ADCY2: variants seen among roughly 807,000 people sequenced by gnomAD.
ADCY2 encodes adenylate cyclase 2.
A neutral mutation model predicts 125.2 loss-of-function variants in ADCY2; 31 were observed. The ratio of observed to expected loss-of-function variants is 0.25; its 90% CI spans 0.19 to 0.33. The LOEUF (loss-of-function observed/expected upper bound fraction) is 0.33, where lower values mean the gene tolerates loss of function less well. Ranked by LOEUF, ADCY2 falls within the 10% of genes least tolerant of loss-of-function variation. The pLI is 1.00. For missense variants in ADCY2, 904 were observed against 1,418.2 expected (o/e 0.64, Z 5.82); for synonymous variants, 512 against 548.4 (o/e 0.93, Z 0.93).
intron 3 of ADCY2, among the ~76,000 whole-genome samples, chr5:7,577,543 G>A (rs1736287917): frequency 6.6e-6 from 1 of 152,142 alleles, no homozygotes; most frequent in Non-Finnish European, 1.5e-5. Flanking sequence ...TGGGGGTGGA[G>A]CCAACAGCTG....
intron 20 of ADCY2, chr5:7,795,072 A>G (rs4702497): frequency 0.8 from 120,505 of 151,528 alleles, 48,520 homozygotes; most frequent in African/African-American, 0.88. Context: ...CTGCTAAACA[A>G]GCTATTACTG....
chr5:7,538,351 G>A (rs1340594394), intron 3 of ADCY2, among the ~76,000 whole-genome samples: 4 of 152,038 alleles, frequency 2.6e-5, no homozygotes, highest in African/African-American at 9.7e-5. Flanking sequence ...TTTACTTATC[G>A]GTAAAAGAGG....
chr5:7,480,851 A>G (rs1289402953), intron 2 of ADCY2, among the ~76,000 whole-genome samples: 5 of 152,184 alleles, frequency 3.3e-5, no homozygotes, highest in African/African-American at 7.2e-5. Context: ...TCCATTATGT[A>G]TATGTACCAC....
intron 2 of ADCY2, among the ~76,000 whole-genome samples, chr5:7,483,062 A>G (rs1188887751): frequency 3.3e-5 from 5 of 152,030 alleles, no homozygotes; most frequent in African/African-American, 1.2e-4. Flanking sequence ...GGGTACAAAC[A>G]TACAGTTAGA....
chr5:7,790,917 A>G (rs1339355010), intron 20 of ADCY2, among the ~76,000 whole-genome samples: 1 of 152,166 alleles, frequency 6.6e-6, no homozygotes, highest in East Asian at 1.9e-4. Flanking sequence ...GGAAAAGCCC[A>G]TTATGCCTTC....
chr5:7,502,382 A>C (rs1743626810), intron 2 of ADCY2, among the ~76,000 whole-genome samples: 1 of 152,020 alleles, frequency 6.6e-6, no homozygotes, highest in South Asian at 2.1e-4. Flanking sequence ...AAACCCCTCC[A>C]GTCCAGAGAG....
chr5:7,538,825 A>G (rs1404788939), intron 3 of ADCY2, among the ~76,000 whole-genome samples: 3 of 151,216 alleles, frequency 2.0e-5, no homozygotes, highest in Non-Finnish European at 4.4e-5. Flanking sequence ...AATTTTTTGA[A>G]TATAAATTTC....
chr5:7,400,400 A>G (rs1012887449), intron 1 of ADCY2, among the ~76,000 whole-genome samples: 23 of 152,222 alleles, frequency 1.5e-4, no homozygotes, highest in Non-Finnish European at 3.2e-4. Context: ...TGATGAATCA[A>G]TGTTCCAGCA....
chr5:7,700,122 A>G (rs1016858515), intron 7 of ADCY2, among the ~76,000 whole-genome samples: 1 of 152,174 alleles, frequency 6.6e-6, no homozygotes, highest in Admixed American at 6.5e-5. Context: ...TAATATAAAA[A>G]CCAATACAAA....
intron 14 of ADCY2, among the ~76,000 whole-genome samples, chr5:7,731,388 T>C (rs1290638239): frequency 1.3e-5 from 2 of 151,200 alleles, no homozygotes; most frequent in African/African-American, 2.4e-5. Context: ...CCTGAGTAGC[T>C]CGGATTGCAG....
intron 3 of ADCY2, among the ~76,000 whole-genome samples, chr5:7,582,964 A>T (rs1308598590): frequency 2.0e-5 from 3 of 152,134 alleles, no homozygotes; most frequent in Non-Finnish European, 2.9e-5. Context: ...GAATTTGATT[A>T]AGCAACTAGT....
chr5:7,700,675 T>G (rs1741047948), intron 7 of ADCY2, among the ~76,000 whole-genome samples: 1 of 149,440 alleles, frequency 6.7e-6, no homozygotes. Flanking sequence ...CCCAGCATGG[T>G]CCTGGGAAGA....
At chr5:7,417,025 A>G (rs147709586) in intron 2 of ADCY2, among the ~76,000 whole-genome samples, 2 of 152,326 alleles carry the variant, frequency 1.3e-5, no homozygotes, top group African/African-American at 4.8e-5. Flanking sequence ...TTGAATTTCT[A>G]AATTTTTGTT....
chr5:7,504,203 C>A (rs180973850), intron 2 of ADCY2, among the ~76,000 whole-genome samples: 1 of 152,160 alleles, frequency 6.6e-6, no homozygotes, highest in African/African-American at 2.4e-5. Flanking sequence ...CTCACGGCTA[C>A]CTCTTAAATG....
chr5:7,655,441 C>T (rs564370561), intron 4 of ADCY2, among the ~76,000 whole-genome samples: 5 of 152,304 alleles, frequency 3.3e-5, no homozygotes, highest in African/African-American at 4.8e-5. Flanking sequence ...AAGGCCTGAA[C>T]GTCCAGGATG....
At position 7,640,112 on chromosome 5, in the gene ADCY2, T is replaced by A. The variant is rs148458945; in HGVS notation, c.720+13796T>A. 4.3e-3 allele frequency among the ~76,000 whole-genome samples: 656 copies of A among 152,350 alleles called. 2 individuals are homozygous for A. Among genetic ancestry groups the A allele is most frequent in the Non-Finnish European group, 7.0e-3 (475 of 68,026 alleles). On this transcript the variant is annotated intron_variant, in intron 4 of 24. Transcript: ENST00000338316. ...GAGGGATACAGTTGTGACGACAGTT[T>A]GCAGGATAATGAATCTTTAAAACAG... is the stretch of plus-strand genomic sequence containing the variant.
intron 4 of ADCY2, among the ~76,000 whole-genome samples, chr5:7,665,347 C>A (rs568105112): frequency 3.3e-5 from 5 of 152,172 alleles, no homozygotes; most frequent in Non-Finnish European, 5.9e-5. Context: ...ACAGCCAGAC[C>A]TTTCAATCCA....
chr5:7,488,794 A>G (rs1029577841), intron 2 of ADCY2, among the ~76,000 whole-genome samples: 3 of 152,098 alleles, frequency 2.0e-5, no homozygotes, highest in East Asian at 1.9e-4. Context: ...CATTTCTTCT[A>G]GAATCCCAAA....
At chr5:7,475,051 G>A (rs1742471641) in intron 2 of ADCY2, among the ~76,000 whole-genome samples, 1 of 152,156 alleles carries the variant, frequency 6.6e-6, no homozygotes, top group African/African-American at 2.4e-5. Context: ...CCCAGCAGGG[G>A]GAGTCCTCCC....
Sources: gnomAD v4.1 joint callset for allele counts (sites outside exome capture counted in the v4.1 genomes callset) on GRCh38, gnomAD v4.1.1 for gene constraint, MANE v1.5 for transcripts, NCBI Gene and HGNC (gene_info 2026-07-23, HGNC 2026-07-21) for gene names.